Variants in LONP1 observed in about 807,000 individuals in gnomAD.
LONP1 encodes lon peptidase 1, mitochondrial.
A neutral mutation model predicts 98.5 loss-of-function variants in LONP1; 31 were observed. The ratio of observed to expected loss-of-function variants is 0.31; its 90% CI spans 0.24 to 0.42. LONP1 has a LOEUF of 0.42. Ranked by LOEUF, LONP1 falls within the 20% of genes least tolerant of loss-of-function variation. The pLI is 1.00. For synonymous variants in LONP1, 781 were observed against 594.7 expected (o/e 1.31, Z -4.56); for missense variants, 1,336 against 1,350.6 (o/e 0.99, Z 0.17).
intron 1 of LONP1, among the ~76,000 whole-genome samples, chr19:5,716,882 C>T (rs2055333432): frequency 6.6e-6 from 1 of 152,206 alleles, no homozygotes; most frequent in Admixed American, 6.5e-5. Context: ...CAAGCTCCGC[C>T]TCCTGGGTTC....
chr19:5,709,907 CAAAAAAAA>C (rs755774542), intron 4 of LONP1, among the ~76,000 whole-genome samples: 3 of 38,668 alleles, frequency 7.8e-5, no homozygotes, highest in African/African-American at 1.2e-4. Flanking sequence ...GGCTCCATCT[CAAAAAAAA>C]AAAAAAAAAA....
Position 5,694,793 on chromosome 19 carries a change from C to T in LONP1, c.2122G>A (p.Gly708Ser), listed in dbSNP as rs1368364695. ...ACTTGCTTCTGCAGGTTGCGGACAC[C>T]GCTCTCGCGGCAGTACTGCTTGATG... is the stretch of plus-strand genomic sequence containing the variant. ...LLIKQYCRES[G>S]VRNLQKQVEK... Residue 708 changes from glycine (G) to serine (S), a missense_variant, in exon 14 of 18, where the codon GGT becomes AGT. Coordinates refer to ENST00000360614, the MANE Select transcript of LONP1 (RefSeq NM_004793.4). 7.5e-6 allele frequency: 12 copies of T among 1,593,806 alleles called. No individual in the cohort carries two copies. The highest frequency in any genetic ancestry group is 8.6e-6 in the Non-Finnish European group (10 of 1,164,076).
rs543633544 is a variant in LONP1 at position 5,691,934 on chromosome 19, C to T, written c.*98G>A. ...GGGTCACTGGACCGAGCTGCTCGCT[C>T]GGTGGCTCCACTGCCAGGTCCGGGC... On this transcript the variant is annotated 3_prime_UTR_variant, in exon 18 of 18. Coordinates refer to ENST00000360614, the MANE Select transcript of LONP1 (RefSeq NM_004793.4). The T allele has an allele frequency of 1.3e-4, 184 of 1,418,268 alleles. 1 individual carries two copies. The South Asian group carries it at 2.1e-3, about 16-fold the overall frequency. 87.9% of individuals were successfully genotyped at this position (1,418,268 alleles called of 1,614,324 possible). A position where few individuals can be genotyped will look rare whatever the true frequency, so the allele number is the denominator to read the frequency against.
intron 4 of LONP1, 71 bp downstream of exon 4, chr19:5,711,700 G>A: frequency 3.1e-6 from 4 of 1,291,710 alleles, no homozygotes; most frequent in Non-Finnish European, 4.4e-6. Context: ...CTTCGGAGAG[G>A]CCGCAGGAAC....
At chr19:5,695,965 A>C in intron 13 of LONP1, 89 bp downstream of exon 13, 1 of 1,180,494 alleles carries the variant, frequency 8.5e-7, no homozygotes, top group Non-Finnish European at 1.2e-6. Context: ...TCCCGGGCCC[A>C]GGAGCTCCCA....
rs187220978 is a variant in LONP1, at chr19:5,715,948, A to G, written c.430-1677T>C. Among the ~76,000 whole-genome samples the G allele has an allele frequency of 2.9e-3, 438 of 152,128 alleles. 3 individuals are homozygous for G. Among genetic ancestry groups the G allele is most frequent in the African/African-American group, 9.8e-3 (407 of 41,512 alleles). On this transcript the variant is annotated intron_variant, in intron 1 of 17. Coordinates refer to ENST00000360614, the MANE Select transcript of LONP1 (RefSeq NM_004793.4). ...TTCATTAATGATCAAGACCCCCAGG[A>G]TCACAGCACATTCTCAACGGCAGGT... is the stretch of plus-strand genomic sequence containing the variant.
At chr19:5,720,355 C>T (rs2055424654), upstream of LONP1, 1 of 691,230 alleles carries the variant, frequency 1.4e-6, no homozygotes, top group South Asian at 2.3e-5. Context: ...TTTCCGGTCA[C>T]GTGGAAGGCT....
intron 1 of LONP1, chr19:5,717,232 ACAAGT>A (rs1411181601): frequency 2.6e-5 from 4 of 152,236 alleles, no homozygotes; most frequent in Non-Finnish European, 2.9e-5. Flanking sequence ...AGTTGGCCAG[ACAAGT>A]CAAGTACAAA....
chr19:5,698,930 G>A (rs530182694), intron 10 of LONP1, 97 bp downstream of exon 10: 25 of 1,298,412 alleles, frequency 1.9e-5, no homozygotes, highest in East Asian at 2.8e-5. Flanking sequence ...CCACAACCCG[G>A]ATTGCTCTAC....
At chr19:5,702,429 G>A (rs977598530) in intron 8 of LONP1, among the ~76,000 whole-genome samples, 3 of 151,412 alleles carry the variant, frequency 2.0e-5, no homozygotes, top group Non-Finnish European at 3.0e-5. Context: ...CGCCCCTACT[G>A]GGAAGTGAGG....
At chr19:5,703,475 G>A (rs2055093509) in intron 8 of LONP1, among the ~76,000 whole-genome samples, 1 of 152,134 alleles carries the variant, frequency 6.6e-6, no homozygotes, top group South Asian at 2.1e-4. Context: ...GCAGCAGTGA[G>A]CAGCGGCCAC....
rs1310315101 is a variant in LONP1 at position 5,711,870 on chromosome 19, C to T, written c.771G>A (p.Glu257=). 6.2e-7 allele frequency: 1 copy of T among 1,612,936 alleles called. No homozygotes were observed. The highest frequency in any genetic ancestry group is 1.7e-5 in the Admixed American group (1 of 60,028). ...EDELSARHPA[E]LAMEPTPELP... is the part of the protein sequence containing the mutation. Reference sequence around the variant, plus strand: ...GCTCAGGGGTGGGCTCCATCGCCAGCTCCGCCGGGTGCCTGGCGCTCAGCT... The same window carrying T: ...GCTCAGGGGTGGGCTCCATCGCCAGTTCCGCCGGGTGCCTGGCGCTCAGCT... Residue 257 remains glutamate (E), a synonymous_variant, in exon 4 of 18, where the codon GAG becomes GAA. Transcript: ENST00000360614.
At chr19:5,696,626 C>A (rs371952742) in intron 11 of LONP1, 44 bp downstream of exon 11, 2 of 1,573,462 alleles carry the variant, frequency 1.3e-6, no homozygotes, top group East Asian at 4.5e-5. Flanking sequence ...ATCTTGCACA[C>A]GGCATTGCCG....
chr19:5,703,146 A>C (rs1180599512), intron 8 of LONP1, among the ~76,000 whole-genome samples: 1 of 146,186 alleles, frequency 6.8e-6, no homozygotes, highest in Non-Finnish European at 1.5e-5. Flanking sequence ...GTGCCACTGC[A>C]CTCCAGCCTG....
intron 4 of LONP1, among the ~76,000 whole-genome samples, chr19:5,709,724 A>G (rs1303072326): frequency 6.6e-6 from 1 of 151,852 alleles, no homozygotes; most frequent in Non-Finnish European, 1.5e-5. Flanking sequence ...CCTGGCTAAC[A>G]CGGTGAAACC....
At chr19:5,714,332 T>C (rs1013209702) in intron 1 of LONP1, 61 bp from the exon 2 acceptor site, 3 of 1,160,408 alleles carry the variant, frequency 2.6e-6, no homozygotes, top group Admixed American at 1.8e-5. Context: ...AGACAGAGTC[T>C]CATTCTGTTG....
In LONP1 at chr19:5,693,358, G is replaced by T. The variant is rs113251378; in HGVS notation, c.2643C>A (p.Gly881=). ...RPVRQNLAMT[G]EVSLTGKILP... ...GGATCTTGCCCGTGAGGGAGACTTC[G>T]CCAGTCATGGCCAGATTCTGCCGGA... Residue 881 remains glycine (G), a synonymous_variant, in exon 17 of 18, where the codon GGC becomes GGA. Coordinates refer to ENST00000360614, the MANE Select transcript of LONP1 (RefSeq NM_004793.4). 1.2e-6 allele frequency: 2 copies of T among 1,613,190 alleles called. No individual in the cohort carries two copies. Among genetic ancestry groups the T allele is most frequent in the Non-Finnish European group, 1.7e-6 (2 of 1,179,848 alleles).
chr19:5,698,318 T>C (rs1431873000), intron 10 of LONP1, among the ~76,000 whole-genome samples: 1 of 152,172 alleles, frequency 6.6e-6, no homozygotes, highest in Non-Finnish European at 1.5e-5. Flanking sequence ...CTCAAGTGAA[T>C]GCCTTGCAGG....
chr19:5,698,880 TG>T, intron 10 of LONP1, 146 bp downstream of exon 10: 2 of 846,204 alleles, frequency 2.4e-6, no homozygotes, highest in Non-Finnish European at 3.4e-6. Context: ...GCCACATGGC[TG>T]GACTTTTCAG....
Sources: allele counts gnomAD v4.1 joint callset (sites outside exome capture counted in the v4.1 genomes callset), GRCh38; gene constraint gnomAD v4.1.1; transcripts MANE v1.5; gene names NCBI Gene and HGNC (gene_info 2026-07-23, HGNC 2026-07-21).